Variants in ENPEP observed in about 807,000 individuals in gnomAD.
ENPEP encodes glutamyl aminopeptidase, also known as AP-A.
In ENPEP, 103 loss-of-function variants were observed where a neutral mutation model predicts 114.5. The observed-to-expected ratio is 0.90, with a 90% CI of 0.77 to 1.06. The LOEUF (loss-of-function observed/expected upper bound fraction) is 1.06, where lower values mean the gene tolerates loss of function less well. Among genes scored for constraint, ENPEP ranks in the 50% least tolerant of loss-of-function variants. The probability of loss-of-function intolerance (pLI) is 0.00; values close to 1 mark genes in which losing one functional copy is unlikely to be tolerated. For synonymous variants in ENPEP, 420 were observed against 422.0 expected (o/e 1.00, Z 0.06); for missense variants, 1,196 against 1,161.3 (o/e 1.03, Z -0.43).
At chr4:110,510,684 T>C (rs1165173766) in intron 6 of ENPEP, among the ~76,000 whole-genome samples, 1 of 152,056 alleles carries the variant, frequency 6.6e-6, no homozygotes, top group African/African-American at 2.4e-5. Flanking sequence ...GCACTAACCC[T>C]TTGAAAAAAT....
chr4:110,533,610 CAGAGGCTAAGGAT>C (rs1384173253), intron 11 of ENPEP, among the ~76,000 whole-genome samples: 1 of 152,002 alleles, frequency 6.6e-6, no homozygotes, highest in Non-Finnish European at 1.5e-5. Flanking sequence ...GCTGAGAGTT[CAGAGGCTAAGGAT>C]AGAGTATAAA....
chr4:110,515,347 G>A (rs1233043683), intron 7 of ENPEP, 30 bp from the exon 8 acceptor site: 5 of 1,575,776 alleles, frequency 3.2e-6, no homozygotes, highest in Middle Eastern at 1.7e-4. Flanking sequence ...GCCTTTATTA[G>A]TTTCATTTGT....
chr4:110,502,426 A>G (rs1725197981), intron 3 of ENPEP, among the ~76,000 whole-genome samples: 2 of 151,972 alleles, frequency 1.3e-5, no homozygotes. Context: ...ACACTTTTTA[A>G]CCTGTCTTGA....
In ENPEP at chr4:110,561,732, GA is replaced by G. The variant is rs547765047; in HGVS notation, c.*177del. Reference sequence around the variant, plus strand: ...TAAATTGTTCCTCTTTGTTTATGAAGAAAGATACTAATAGAGTACTTAATAT... The same window carrying G: ...TAAATTGTTCCTCTTTGTTTATGAAGAAGATACTAATAGAGTACTTAATAT... On this transcript the variant is annotated 3_prime_UTR_variant, in exon 20 of 20. Coordinates refer to ENST00000265162, the MANE Select transcript of ENPEP (RefSeq NM_001977.4). The G allele has an allele frequency of 2.7e-5, 16 of 598,254 alleles. No individual in the cohort carries two copies. Among genetic ancestry groups the G allele is most frequent in the Non-Finnish European group, 4.5e-5 (16 of 352,312 alleles). 37.1% of individuals were successfully genotyped at this position (598,254 alleles called of 1,614,324 possible). A position where few individuals can be genotyped will look rare whatever the true frequency, so the allele number is the denominator to read the frequency against.
chr4:110,502,023 C>T (rs984825835), intron 3 of ENPEP, among the ~76,000 whole-genome samples: 7 of 152,118 alleles, frequency 4.6e-5, no homozygotes, highest in Admixed American at 2.0e-4. Flanking sequence ...ATTTGCAGTT[C>T]TCTAATGATT....
intron 11 of ENPEP, among the ~76,000 whole-genome samples, chr4:110,532,325 G>A (rs1206449988): frequency 6.6e-6 from 1 of 152,072 alleles, no homozygotes; most frequent in Non-Finnish European, 1.5e-5. Context: ...CTATAGATTT[G>A]TCTCTTCTGG....
chr4:110,506,041 C>A (rs919580368), intron 3 of ENPEP: 1 of 152,052 alleles, frequency 6.6e-6, no homozygotes, highest in Non-Finnish European at 1.5e-5. Context: ...AAGTTTGGAT[C>A]ATTATATTTT....
At chr4:110,523,214 A>G (rs1243042499) in intron 10 of ENPEP, among the ~76,000 whole-genome samples, 1 of 152,166 alleles carries the variant, frequency 6.6e-6, no homozygotes, top group East Asian at 1.9e-4. Flanking sequence ...CAAAGACTAT[A>G]TATAAAAATT....
rs3042468 is a variant in ENPEP, at chr4:110,548,139, G to GTTTTTTTTT, written c.2001-20_2001-12dup. On this transcript the variant is annotated intron_variant, in intron 13 of 19. Transcript: ENST00000265162. ...GTCTGTGGTTTTTAATTAACTGTGA[G>GTTTTTTTTT]TTTTTTTTTTTTTTTTTTTTTTTTT... is the stretch of plus-strand genomic sequence containing the variant. The GTTTTTTTTT allele has an allele frequency of 9.5e-4, 659 of 691,890 alleles. 14 individuals carry two copies. Among genetic ancestry groups the GTTTTTTTTT allele is most frequent in the Admixed American group, 1.3e-3 (16 of 12,606 alleles). The allele number at this position is 691,890 out of a possible 1,614,324, so 42.9% of individuals were successfully genotyped here.
chr4:110,515,968 G>A (rs1335410244), intron 8 of ENPEP: 2 of 314,324 alleles, frequency 6.4e-6, no homozygotes, highest in Admixed American at 3.9e-5. Context: ...CCAGCCTCAC[G>A]ATATCATCTA....
At chr4:110,504,557 T>A (rs1212657211) in intron 3 of ENPEP, among the ~76,000 whole-genome samples, 2 of 152,010 alleles carry the variant, frequency 1.3e-5, no homozygotes, top group Non-Finnish European at 2.9e-5. Context: ...CTGACCCTGA[T>A]TATGAAGGGT....
At chr4:110,481,601 C>A (rs1483601529) in intron 1 of ENPEP, among the ~76,000 whole-genome samples, 1 of 152,148 alleles carries the variant, frequency 6.6e-6, no homozygotes, top group Non-Finnish European at 1.5e-5. Context: ...CATTGCATTA[C>A]CACAGCTTCT....
intron 11 of ENPEP, among the ~76,000 whole-genome samples, chr4:110,532,538 C>T (rs1441596151): frequency 2.6e-5 from 4 of 151,946 alleles, no homozygotes; most frequent in Admixed American, 6.6e-5. Flanking sequence ...CACCTTTTGT[C>T]TGTTATGAAT....
At position 110,531,185 on chromosome 4, in the gene ENPEP, A is replaced by T. The variant is rs1334186533; in HGVS notation, c.1728-13A>T. On this transcript the variant is annotated splice_polypyrimidine_tract_variant and intron_variant, in intron 10 of 19. Coordinates refer to ENST00000265162, the MANE Select transcript of ENPEP (RefSeq NM_001977.4). ...TAATAAAAGTTAAATTTTTCTTTTT[A>T]AAAAAATTTTAGTTATACATGGAAT... 3 of 1,415,776 alleles carry T rather than the reference A, an allele frequency of 2.1e-6. No homozygotes were observed. The highest frequency in any genetic ancestry group is 2.8e-6 in the Non-Finnish European group (3 of 1,061,034). The allele number at this position is 1,415,776 out of a possible 1,614,324, so 87.7% of individuals were successfully genotyped here.
chr4:110,523,339 C>A (rs978910344), intron 10 of ENPEP, among the ~76,000 whole-genome samples: 14 of 152,294 alleles, frequency 9.2e-5, no homozygotes, highest in Middle Eastern at 3.4e-3. Flanking sequence ...TCCCTCTCCC[C>A]CTTCTGCCAT....
At chr4:110,491,259 A>G (rs552438606) in intron 3 of ENPEP, 95 bp downstream of exon 3, 1 of 1,240,056 alleles carries the variant, frequency 8.1e-7, no homozygotes, top group Non-Finnish European at 1.1e-6. Flanking sequence ...TTTTCAAACA[A>G]CATGCCTGAA....
chr4:110,537,877 G>T (rs191768549), intron 11 of ENPEP, among the ~76,000 whole-genome samples: 220 of 152,310 alleles, frequency 1.4e-3, no homozygotes, highest in Middle Eastern at 6.8e-3. Context: ...AAGAGCTCAT[G>T]GATGACCAGG....
At chr4:110,535,406 TG>T (rs1726574862) in intron 11 of ENPEP, among the ~76,000 whole-genome samples, 1 of 152,248 alleles carries the variant, frequency 6.6e-6, no homozygotes, top group Admixed American at 6.5e-5. Context: ...TTGTATTTGA[TG>T]ACAAAGAGGG....
intron 1 of ENPEP, among the ~76,000 whole-genome samples, chr4:110,486,484 G>A (rs1201081773): frequency 6.6e-6 from 1 of 152,082 alleles, no homozygotes; most frequent in East Asian, 1.9e-4. Flanking sequence ...TAGGGACTTT[G>A]CACTTACGGT....
Sources: gnomAD v4.1 joint callset for allele counts (sites outside exome capture counted in the v4.1 genomes callset) on GRCh38, gnomAD v4.1.1 for gene constraint, MANE v1.5 for transcripts, NCBI Gene and HGNC (gene_info 2026-07-23, HGNC 2026-07-21) for gene names.